Variants in CDH10 observed in about 807,000 individuals in gnomAD.
CDH10 encodes the protein cadherin-10.
Under a neutral mutation model 73.1 loss-of-function variants are expected in CDH10, and 30 were observed. The observed-to-expected ratio is 0.41, with a 90% CI of 0.31 to 0.56. The LOEUF is 0.56. Among genes scored for constraint, CDH10 ranks in the 20% least tolerant of loss-of-function variants. The pLI is 0.27. For missense variants in CDH10, 815 were observed against 973.7 expected (o/e 0.84, Z 2.17); for synonymous variants, 345 against 348.2 (o/e 0.99, Z 0.10).
chr5:24,539,275 T>A (rs1420903800), intron 2 of CDH10, among the ~76,000 whole-genome samples: 1 of 151,982 alleles, frequency 6.6e-6, no homozygotes, highest in African/African-American at 2.4e-5. Flanking sequence ...TCTAATTAAG[T>A]GTAGAATTTT....
At chr5:24,640,839 G>T (rs534933803) in intron 1 of CDH10, among the ~76,000 whole-genome samples, 2 of 151,864 alleles carry the variant, frequency 1.3e-5, no homozygotes, top group South Asian at 4.1e-4. Context: ...TTGCCAGAAA[G>T]AAATCAGATA....
intron 5 of CDH10, among the ~76,000 whole-genome samples, chr5:24,525,436 C>T (rs535827216): frequency 3.3e-5 from 5 of 152,044 alleles, no homozygotes; most frequent in Admixed American, 6.6e-5. Context: ...ACGATAATCT[C>T]GAACAATACT....
At chr5:24,562,150 A>G (rs1379611439) in intron 2 of CDH10, among the ~76,000 whole-genome samples, 1 of 152,076 alleles carries the variant, frequency 6.6e-6, no homozygotes, top group Non-Finnish European at 1.5e-5. Flanking sequence ...AATAGAAAAA[A>G]TGAGAAACAA....
intron 5 of CDH10, among the ~76,000 whole-genome samples, chr5:24,525,803 A>T (rs142678614): frequency 2.0e-5 from 3 of 152,178 alleles, no homozygotes. Flanking sequence ...ACCATGTCTT[A>T]GTTTCCTGTT....
intron 2 of CDH10, among the ~76,000 whole-genome samples, chr5:24,586,481 C>A (rs925336781): frequency 1.0e-5 from 1 of 98,894 alleles, no homozygotes; most frequent in Admixed American, 1.2e-4. Context: ...CTCTTTTTGC[C>A]GAGGCTGGAG....
At chr5:24,619,008 A>C (rs1189111746) in intron 1 of CDH10, among the ~76,000 whole-genome samples, 1 of 152,178 alleles carries the variant, frequency 6.6e-6, no homozygotes, top group Non-Finnish European at 1.5e-5. Context: ...CAATCATAAA[A>C]CAGCCATGAC....
chr5:24,611,827 G>A (rs538338746), intron 1 of CDH10: 1 of 152,186 alleles, frequency 6.6e-6, no homozygotes, highest in East Asian at 2.0e-4. Context: ...CAGCTTGCAT[G>A]CTTTGATGCA....
intron 2 of CDH10, among the ~76,000 whole-genome samples, chr5:24,585,671 G>C (rs1417366762): frequency 2.0e-5 from 3 of 152,160 alleles, no homozygotes; most frequent in East Asian, 3.9e-4. Flanking sequence ...TGATCCACCT[G>C]TCTCAGCCTC....
chr5:24,535,910 T>G, intron 3 of CDH10, 88 bp from the exon 4 acceptor site: 1 of 962,968 alleles, frequency 1.0e-6, no homozygotes, highest in Non-Finnish European at 1.5e-6. Flanking sequence ...GAATGATTTC[T>G]GGCTTTAATC....
intron 9 of CDH10, among the ~76,000 whole-genome samples, chr5:24,495,451 A>G (rs1742236193): frequency 6.6e-6 from 1 of 152,160 alleles, no homozygotes; most frequent in African/African-American, 2.4e-5. Context: ...GGGTTTTAAG[A>G]TATTTAAAGT....
chr5:24,578,211 T>C (rs1745670486), intron 2 of CDH10: 1 of 170,592 alleles, frequency 5.9e-6, no homozygotes, highest in Non-Finnish European at 1.3e-5. Flanking sequence ...ACCAAGAAAA[T>C]GGTTTTCACA....
chr5:24,568,209 T>G (rs976968), intron 2 of CDH10, among the ~76,000 whole-genome samples: 122,999 of 151,976 alleles, frequency 0.81, 49,902 homozygotes, highest in South Asian at 0.91. Flanking sequence ...ATATTAATAT[T>G]TTGGAAATAC....
At position 24,596,915 on chromosome 5, in the gene CDH10, G is replaced by A. The variant is rs1382194649; in HGVS notation, c.-123-3302C>T. 3.3e-5 allele frequency among the ~76,000 whole-genome samples: 5 copies of A among 151,828 alleles called. No homozygotes were observed. In the East Asian group the frequency reaches 5.8e-4, roughly 18 times the overall value. On this transcript the variant is annotated intron_variant, in intron 1 of 11. Coordinates refer to ENST00000264463, the MANE Select transcript of CDH10 (RefSeq NM_006727.5). ...TTTAGGATATAAAAATATTACATAA[G>A]GGAGCTGTTGTGCTTGCTTGAAATT...
intron 2 of CDH10, among the ~76,000 whole-genome samples, chr5:24,545,240 A>AT (rs1161169653): frequency 6.6e-6 from 1 of 152,138 alleles, no homozygotes; most frequent in African/African-American, 2.4e-5. Flanking sequence ...TTTACACCTT[A>AT]TTTTTTCCCC....
At chr5:24,604,276 G>A (rs1337117798) in intron 1 of CDH10, among the ~76,000 whole-genome samples, 1 of 152,072 alleles carries the variant, frequency 6.6e-6, no homozygotes, top group African/African-American at 2.4e-5. Context: ...GAGCCCAGAA[G>A]TTCACAACTG....
chr5:24,542,174 C>T (rs1019559476), intron 2 of CDH10, among the ~76,000 whole-genome samples: 1 of 151,904 alleles, frequency 6.6e-6, no homozygotes, highest in Non-Finnish European at 1.5e-5. Flanking sequence ...AGTTTAAGAC[C>T]ATTTTAAAAA....
Position 24,498,336 on chromosome 5 carries a change from A to G in CDH10, c.1515+62T>C, listed in dbSNP as rs1276102242. 4 of 1,148,486 alleles carry G rather than the reference A, an allele frequency of 3.5e-6. No homozygotes were observed. The East Asian group carries it at 9.5e-5, about 27-fold the overall frequency. 71.1% of individuals were successfully genotyped at this position (1,148,486 alleles called of 1,614,324 possible). On this transcript the variant is annotated intron_variant, in intron 9 of 11. Transcript: ENST00000264463. ...TGTATTCTTTCCTCTCAGGATTTTG[A>G]AAAGAAAATATTTTGCATACAGTTA... is the stretch of plus-strand genomic sequence containing the variant.
At chr5:24,573,198 TA>T (rs1745461692) in intron 2 of CDH10, among the ~76,000 whole-genome samples, 1 of 151,594 alleles carries the variant, frequency 6.6e-6, no homozygotes, top group South Asian at 2.1e-4. Context: ...TTTGAAGAGT[TA>T]AAAAATAGTG....
Position 24,594,304 on chromosome 5 carries a change from C to T in CDH10, c.-123-691G>A, listed in dbSNP as rs191502598. On this transcript the variant is annotated intron_variant, in intron 1 of 11. Coordinates refer to ENST00000264463, the MANE Select transcript of CDH10 (RefSeq NM_006727.5). ...CTTCTAACTACCTCTACTGCCTGGT[C>T]CAGAACTCCACTATACCCCAGGCTG... Among the ~76,000 whole-genome samples the T allele has an allele frequency of 2.3e-3, 354 of 152,024 alleles. 1 individual carries two copies. Among genetic ancestry groups the T allele is most frequent in the South Asian group, 0.012 (60 of 4,824 alleles).
Sources: allele counts gnomAD v4.1 joint callset (sites outside exome capture counted in the v4.1 genomes callset), GRCh38; gene constraint gnomAD v4.1.1; transcripts MANE v1.5; gene names NCBI Gene and HGNC (gene_info 2026-07-23, HGNC 2026-07-21).